The following SPMIP8 variants were observed in gnomAD, a reference collection of about 807,000 sequenced individuals.
The protein encoded by SPMIP8 is sperm microtubule inner protein 8.
chr16:57,980,189 A>G, the SPMIP8 span, among the ~76,000 whole-genome samples: 1 of 152,208 alleles, frequency 6.6e-6, no homozygotes, highest in Non-Finnish European at 1.5e-5. Flanking sequence ...AAAGATAGGC[A>G]TGTCAAAGGA....
chr16:57,980,691 G>A, the SPMIP8 span, among the ~76,000 whole-genome samples: 617 of 152,146 alleles, frequency 4.1e-3, 6 homozygotes, highest in African/African-American at 6.5e-3. Context: ...TTTGCTTTTC[G>A]TTTTGTTTTG....
chr16:57,986,089 C>T, the SPMIP8 span: 1 of 1,018,464 alleles, frequency 9.8e-7, no homozygotes, highest in Non-Finnish European at 1.4e-6. Flanking sequence ...GCGCGAGCTG[C>T]TTCGCTCTGG....
the SPMIP8 span, chr16:57,984,318 C>T: frequency 6.2e-7 from 1 of 1,614,232 alleles, no homozygotes; most frequent in South Asian, 1.1e-5. Context: ...TTTGACAACG[C>T]CCATTTTACA....
the SPMIP8 span, chr16:57,987,812 C>T: frequency 3.0e-4 from 61 of 203,396 alleles, no homozygotes; most frequent in Non-Finnish European, 5.0e-4. Flanking sequence ...ACCCAAGCCC[C>T]CTCCATTTCA....
the SPMIP8 span, chr16:57,984,353 C>G: frequency 3.1e-6 from 5 of 1,614,240 alleles, no homozygotes; most frequent in Admixed American, 3.3e-5. Flanking sequence ...CAACAAACCC[C>G]TGCAGTGTTT....
chr16:57,982,374 A>G, the SPMIP8 span, among the ~76,000 whole-genome samples: 15 of 152,192 alleles, frequency 9.9e-5, no homozygotes, highest in Non-Finnish European at 7.3e-5. Flanking sequence ...CTTAGTCTAA[A>G]ACAGTCCACC....
the SPMIP8 span, chr16:57,984,909 G>A: frequency 1.4e-6 from 2 of 1,427,840 alleles, no homozygotes; most frequent in Non-Finnish European, 1.9e-6. Context: ...GGCGGGCCAG[G>A]CAGAAACAGG....
the SPMIP8 span, among the ~76,000 whole-genome samples, chr16:57,981,243 T>C: frequency 6.6e-6 from 1 of 151,248 alleles, no homozygotes; most frequent in African/African-American, 2.4e-5. Flanking sequence ...TAGCCAGGTG[T>C]GGTAGTGTGT....
At chr16:57,985,072 A>G in the SPMIP8 span, 4 of 1,120,036 alleles carry the variant, frequency 3.6e-6, no homozygotes, top group African/African-American at 5.2e-5. Flanking sequence ...CGGAGGCGGG[A>G]CCTGTTCTCC....
chr16:57,977,946 C>T, the SPMIP8 span: 1 of 1,614,202 alleles, frequency 6.2e-7, no homozygotes, highest in Non-Finnish European at 8.5e-7. Context: ...GCTCTACCAC[C>T]CAGCCCTGCC....
At chr16:57,981,673 G>A in the SPMIP8 span, among the ~76,000 whole-genome samples, 2 of 151,100 alleles carry the variant, frequency 1.3e-5, no homozygotes, top group Non-Finnish European at 2.9e-5. Flanking sequence ...GTGCCACTAC[G>A]CCCAGCTGAT....
chr16:57,981,396 ATT>A, the SPMIP8 span, among the ~76,000 whole-genome samples: 24 of 139,470 alleles, frequency 1.7e-4, no homozygotes, highest in African/African-American at 5.5e-4. Flanking sequence ...AATAATAATT[ATT>A]ATTATTATAA....
chr16:57,985,872 T>A, the SPMIP8 span: 1 of 1,592,704 alleles, frequency 6.3e-7, no homozygotes, highest in Non-Finnish European at 8.5e-7. Flanking sequence ...GGGTCGCCCC[T>A]TCCCATCTCG....
At chr16:57,978,740 C>A in the SPMIP8 span, among the ~76,000 whole-genome samples, 1 of 151,980 alleles carries the variant, frequency 6.6e-6, no homozygotes, top group Non-Finnish European at 1.5e-5. Flanking sequence ...CTCAGCCTCC[C>A]GAATAGCTGG....
the SPMIP8 span, chr16:57,985,969 C>T: frequency 1.3e-6 from 2 of 1,593,952 alleles, no homozygotes; most frequent in Non-Finnish European, 1.7e-6. Context: ...TCCCGCCCCA[C>T]AGCCAACCAC....
chr16:57,976,654 C>A, the SPMIP8 span: 1 of 1,611,758 alleles, frequency 6.2e-7, no homozygotes, highest in Middle Eastern at 1.9e-4. Context: ...AAGCAGGGAG[C>A]CCTTGCTCTC....
At chr16:57,980,716 A>G in the SPMIP8 span, among the ~76,000 whole-genome samples, 4 of 152,108 alleles carry the variant, frequency 2.6e-5, no homozygotes, top group African/African-American at 9.7e-5. Context: ...GTTTTTTTAG[A>G]CAGAGTTTCT....
chr16:57,977,802 C>T, the SPMIP8 span: 10 of 1,608,112 alleles, frequency 6.2e-6, no homozygotes, highest in Non-Finnish European at 6.8e-6. Context: ...CCTTAGAACC[C>T]TCTGCCCCCC....
chr16:57,980,259 T>G, the SPMIP8 span, among the ~76,000 whole-genome samples: 2 of 152,124 alleles, frequency 1.3e-5, no homozygotes, highest in African/African-American at 4.8e-5. Flanking sequence ...TATTCAATAG[T>G]TTATAGGAGG....
Sources: allele counts gnomAD v4.1 joint callset (sites outside exome capture counted in the v4.1 genomes callset), GRCh38; gene constraint gnomAD v4.1.1; transcripts MANE v1.5; gene names NCBI Gene and HGNC (gene_info 2026-07-23, HGNC 2026-07-21).